RGS9: variants seen among roughly 807,000 people sequenced by gnomAD.
The protein encoded by RGS9 is regulator of G protein signaling 9, also known as regulator of G-protein signalling 9.
In RGS9, 78 loss-of-function variants were observed where a neutral mutation model predicts 102.0. The ratio of observed to expected loss-of-function variants is 0.76; its 90% CI spans 0.64 to 0.92. RGS9 has a LOEUF of 0.92. RGS9 is among the 40% of genes least tolerant of loss of function. The pLI, the probability that RGS9 is intolerant of heterozygous loss-of-function variation, is 0.00. For synonymous variants in RGS9, 353 were observed against 318.6 expected (o/e 1.11, Z -1.15); for missense variants, 833 against 866.1 (o/e 0.96, Z 0.48).
intron 1 of RGS9, among the ~76,000 whole-genome samples, chr17:65,140,377 G>A (rs1452629120): frequency 6.6e-6 from 1 of 152,172 alleles, no homozygotes; most frequent in African/African-American, 2.4e-5. Flanking sequence ...ACGCACAGAG[G>A]CATGGGAAAG....
chr17:65,194,513 C>T (rs748599139), intron 12 of RGS9, among the ~76,000 whole-genome samples: 4 of 152,172 alleles, frequency 2.6e-5, no homozygotes, highest in Non-Finnish European at 5.9e-5. Flanking sequence ...TGTTTGATAT[C>T]TAATTAGCGT....
At chr17:65,185,175 A>G (rs1044944065) in intron 9 of RGS9, 4 of 152,230 alleles carry the variant, frequency 2.6e-5, no homozygotes, top group African/African-American at 9.6e-5. Flanking sequence ...GTTAATCTAG[A>G]GGAAGCAGAT....
intron 2 of RGS9, among the ~76,000 whole-genome samples, chr17:65,157,907 T>TTGTGTGTGTGTG (rs1376662384): frequency 1.1e-4 from 17 of 152,040 alleles, no homozygotes; most frequent in African/African-American, 3.9e-4. Context: ...CGGGTCTGTT[T>TTGTGTGTGTGTG]TGTGTGTGTG....
intron 9 of RGS9, among the ~76,000 whole-genome samples, chr17:65,180,562 C>G (rs1368575496): frequency 6.6e-6 from 1 of 152,156 alleles, no homozygotes; most frequent in African/African-American, 2.4e-5. Flanking sequence ...GTTGGCCAGG[C>G]TGGTCTTGAA....
chr17:65,159,124 CA>C (rs1379581333), intron 3 of RGS9, among the ~76,000 whole-genome samples: 1 of 152,132 alleles, frequency 6.6e-6, no homozygotes, highest in African/African-American at 2.4e-5. Context: ...CATCCTGGCT[CA>C]AAAAGCTCCC....
intron 17 of RGS9, 108 bp from the exon 18 acceptor site, chr17:65,224,894 G>A (rs762732074): frequency 3.7e-5 from 54 of 1,464,636 alleles, no homozygotes; most frequent in East Asian, 9.0e-5. Context: ...TATCAGGCCC[G>A]CACTCTTGTC....
chr17:65,210,693 C>T (rs746654405), intron 17 of RGS9, 88 bp downstream of exon 17: 1 of 1,588,072 alleles, frequency 6.3e-7, no homozygotes, highest in Non-Finnish European at 8.5e-7. Flanking sequence ...GGGTCATGCA[C>T]TTGGGAGAGG....
intron 1 of RGS9, among the ~76,000 whole-genome samples, chr17:65,152,913 T>C (rs554068770): frequency 6.6e-6 from 1 of 152,296 alleles, no homozygotes; most frequent in East Asian, 1.9e-4. Flanking sequence ...TTCTTCACAC[T>C]TCAGTGTTCT....
intron 1 of RGS9, among the ~76,000 whole-genome samples, chr17:65,137,943 T>C (rs1204772460): frequency 6.6e-6 from 1 of 152,200 alleles, no homozygotes; most frequent in Non-Finnish European, 1.5e-5. Flanking sequence ...TTGCCATTTT[T>C]GCCTTTTTTT....
chr17:65,227,662 T>C lies in RGS9; in HGVS notation c.*255T>C. ...ATGTGGACCAGAAGACTTTCCCTGCTGCCTTAAAACCAATAAAAGGTTAAC... is the reference window on the plus strand; with the variant it reads ...ATGTGGACCAGAAGACTTTCCCTGCCGCCTTAAAACCAATAAAAGGTTAAC... On this transcript the variant is annotated 3_prime_UTR_variant, in exon 19 of 19. Coordinates refer to ENST00000262406, the MANE Select transcript of RGS9 (RefSeq NM_003835.4). 1.8e-6 allele frequency: 1 copy of C among 542,452 alleles called. No homozygotes were observed. Among genetic ancestry groups the C allele is most frequent in the Non-Finnish European group, 3.3e-6 (1 of 300,624 alleles). The allele number at this position is 542,452 out of a possible 1,614,324, so 33.6% of individuals were successfully genotyped here.
chr17:65,182,894 T>C (rs1365734126), intron 9 of RGS9, among the ~76,000 whole-genome samples: 1 of 152,208 alleles, frequency 6.6e-6, no homozygotes, highest in Non-Finnish European at 1.5e-5. Context: ...TTACACTTTT[T>C]TTCTGAACAG....
intron 3 of RGS9, among the ~76,000 whole-genome samples, chr17:65,159,275 A>T (rs574380943): frequency 2.0e-5 from 3 of 151,854 alleles, no homozygotes; most frequent in African/African-American, 7.3e-5. Flanking sequence ...GCCCGCCTGC[A>T]CCCAGGTGAA....
chr17:65,161,708 A>ATATTTATTTATTTATT (rs3034082), intron 6 of RGS9, among the ~76,000 whole-genome samples: 1 of 137,236 alleles, frequency 7.3e-6, no homozygotes. Flanking sequence ...TTTTATTTAT[A>ATATTTATTTATTTATT]TATTTATTTA....
chr17:65,193,779 A>G (rs1478179267), intron 12 of RGS9, 123 bp downstream of exon 12: 4 of 690,338 alleles, frequency 5.8e-6, no homozygotes, highest in Non-Finnish European at 1.0e-5. Context: ...TAGAGCTACA[A>G]TCAATTTTAA....
At chr17:65,153,544 G>T in intron 2 of RGS9, 26 bp downstream of exon 2, 1 of 1,575,162 alleles carries the variant, frequency 6.3e-7, no homozygotes, top group Non-Finnish European at 8.7e-7. Flanking sequence ...CTTTAGTCTT[G>T]GCCTGGAATA....
chr17:65,146,075 C>T (rs1445685200), intron 1 of RGS9, among the ~76,000 whole-genome samples: 2 of 151,968 alleles, frequency 1.3e-5, no homozygotes, highest in Admixed American at 6.5e-5. Flanking sequence ...CTTTATAACT[C>T]GATTTTTTTT....
At chr17:65,171,532 G>A (rs368742414) in intron 8 of RGS9, among the ~76,000 whole-genome samples, 11 of 152,354 alleles carry the variant, frequency 7.2e-5, no homozygotes, top group African/African-American at 2.6e-4. Flanking sequence ...AATTGCTGGA[G>A]CACAGGTGAG....
chr17:65,217,785 A>G (rs141636657), intron 17 of RGS9, among the ~76,000 whole-genome samples: 2 of 152,338 alleles, frequency 1.3e-5, no homozygotes, highest in East Asian at 3.9e-4. Context: ...GGAGGGGATC[A>G]GACCAAAGCC....
At chr17:65,196,337 G>T (rs551105593) in intron 12 of RGS9, among the ~76,000 whole-genome samples, 1 of 152,282 alleles carries the variant, frequency 6.6e-6, no homozygotes, top group South Asian at 2.1e-4. Context: ...GCCTGGTTCT[G>T]GTCCTAGCTG....
Sources: allele counts gnomAD v4.1 joint callset (sites outside exome capture counted in the v4.1 genomes callset), GRCh38; gene constraint gnomAD v4.1.1; transcripts MANE v1.5; gene names NCBI Gene and HGNC (gene_info 2026-07-23, HGNC 2026-07-21).